The following PPP2R5A variants were observed in gnomAD, a reference collection of about 807,000 sequenced individuals.
PPP2R5A encodes the protein serine/threonine-protein phosphatase 2A 56 kDa regulatory subunit alpha isoform.
Under a neutral mutation model 64.2 loss-of-function variants are expected in PPP2R5A, and 25 were observed. That is an observed-to-expected ratio of 0.39 (90% CI 0.28 to 0.54). The LOEUF (loss-of-function observed/expected upper bound fraction) is 0.54, where lower values mean the gene tolerates loss of function less well. PPP2R5A is among the 20% of genes least tolerant of loss of function. The pLI, the probability that PPP2R5A is intolerant of heterozygous loss-of-function variation, is 0.67. For synonymous variants in PPP2R5A, 198 were observed against 201.2 expected (o/e 0.98, Z 0.13); for missense variants, 425 against 576.3 (o/e 0.74, Z 2.69).
At chr1:212,349,357 C>G (rs912975143) in intron 8 of PPP2R5A, 115 bp downstream of exon 8, 1 of 695,418 alleles carries the variant, frequency 1.4e-6, no homozygotes, top group Non-Finnish European at 2.1e-6. Flanking sequence ...AAGCTAAAAT[C>G]ATTTAGAAGA....
intron 1 of PPP2R5A, 106 bp downstream of exon 1, chr1:212,286,397 C>G: frequency 2.4e-6 from 3 of 1,270,012 alleles, no homozygotes; most frequent in Non-Finnish European, 3.1e-6. Context: ...TCAGTTGGGA[C>G]TGGTAGTGTG....
At chr1:212,297,202 A>G (rs1161978610) in intron 1 of PPP2R5A, among the ~76,000 whole-genome samples, 3 of 134,066 alleles carry the variant, frequency 2.2e-5, no homozygotes. Context: ...GCTCACTGCA[A>G]CCTCTGCCCC....
chr1:212,289,992 G>C (rs1658571759), intron 1 of PPP2R5A, among the ~76,000 whole-genome samples: 1 of 152,186 alleles, frequency 6.6e-6, no homozygotes, highest in Admixed American at 6.5e-5. Flanking sequence ...AACCTAACCA[G>C]TAGAATTATA....
intron 1 of PPP2R5A, among the ~76,000 whole-genome samples, chr1:212,309,909 G>A (rs896374266): frequency 1.3e-5 from 2 of 152,122 alleles, no homozygotes; most frequent in East Asian, 1.9e-4. Flanking sequence ...GGTTGGACTC[G>A]GCTGTTTTAA....
At chr1:212,314,557 A>ATT (rs1212438178) in intron 1 of PPP2R5A, among the ~76,000 whole-genome samples, 3,946 of 127,798 alleles carry the variant, frequency 0.031, 279 homozygotes, top group African/African-American at 0.11. Context: ...CACCAAGCCT[A>ATT]TTTTTTTTTT....
intron 8 of PPP2R5A, among the ~76,000 whole-genome samples, chr1:212,353,884 CGT>C (rs1419743687): frequency 4.6e-5 from 7 of 152,080 alleles, no homozygotes; most frequent in Non-Finnish European, 8.8e-5. Flanking sequence ...AATGACATTT[CGT>C]TTAATAACAG....
intron 3 of PPP2R5A, among the ~76,000 whole-genome samples, chr1:212,336,188 C>T (rs993403187): frequency 6.6e-6 from 1 of 152,112 alleles, no homozygotes; most frequent in African/African-American, 2.4e-5. Flanking sequence ...GATCTCGGCT[C>T]ACTGCAACCT....
intron 1 of PPP2R5A, among the ~76,000 whole-genome samples, chr1:212,319,915 G>GC (rs1659234657): frequency 6.8e-6 from 1 of 148,094 alleles, no homozygotes; most frequent in Non-Finnish European, 1.5e-5. Flanking sequence ...GAGCCACTGT[G>GC]CCCAGCCTAT....
intron 12 of PPP2R5A, among the ~76,000 whole-genome samples, chr1:212,359,431 G>A (rs1256000274): frequency 5.3e-5 from 8 of 152,248 alleles, no homozygotes; most frequent in Admixed American, 3.9e-4. Context: ...ATGTTAGCAC[G>A]TATCAGCCTT....
In PPP2R5A at chr1:212,323,081, C is replaced by T. The variant is rs577996516; in HGVS notation, c.182-6054C>T. Among the ~76,000 whole-genome samples, 234 of 152,326 alleles carry T rather than the reference C, an allele frequency of 1.5e-3. 2 individuals are homozygous for T. The highest frequency in any genetic ancestry group is 5.1e-3 in the African/African-American group (212 of 41,572). On this transcript the variant is annotated intron_variant, in intron 1 of 12. Coordinates refer to ENST00000261461, the MANE Select transcript of PPP2R5A (RefSeq NM_006243.4). ...GATTACAGGCGTGAGCCACTGTGCCCAGCCCTCATTTCATTTTTAATTTTT... is the reference window on the plus strand; with the variant it reads ...GATTACAGGCGTGAGCCACTGTGCCTAGCCCTCATTTCATTTTTAATTTTT...
chr1:212,357,496 T>C, intron 11 of PPP2R5A: 1 of 425,664 alleles, frequency 2.3e-6, no homozygotes, highest in Non-Finnish European at 3.8e-6. Flanking sequence ...TTAATGTCAA[T>C]TTATTTTTAA....
At chr1:212,328,814 G>GGT (rs1659450801) in intron 1 of PPP2R5A, among the ~76,000 whole-genome samples, 4 of 152,106 alleles carry the variant, frequency 2.6e-5, no homozygotes, top group Non-Finnish European at 4.4e-5. Context: ...TGATTAGCTG[G>GGT]ATATGGTGGC....
At position 212,345,857 on chromosome 1, in the gene PPP2R5A, G is replaced by C. The variant is rs942433088; in HGVS notation, c.628G>C (p.Val210Leu). Residue 210 changes from valine to leucine, a missense_variant, in exon 5 of 13, where the codon GTT becomes CTT. Physicochemically the swap from Val to Leu is conservative, Grantham distance 32. Transcript: ENST00000261461. ...DPRERDFLKT[V>L]LHRIYGKFLG... ...CAGAGAACGTGACTTCCTGAAGACT[G>C]TTCTGCACCGAATTTATGGGAAATT... 6.2e-7 allele frequency: 1 copy of C among 1,612,584 alleles called. No individual in the cohort carries two copies. The highest frequency in any genetic ancestry group is 2.2e-5 in the East Asian group (1 of 44,822).
At chr1:212,348,774 C>T (rs1312699167) in intron 7 of PPP2R5A, among the ~76,000 whole-genome samples, 1 of 152,142 alleles carries the variant, frequency 6.6e-6, no homozygotes, top group Non-Finnish European at 1.5e-5. Flanking sequence ...ATAAATCCCA[C>T]ATATCTACAG....
chr1:212,354,393 A>C (rs1254735865), intron 8 of PPP2R5A, among the ~76,000 whole-genome samples: 1 of 151,614 alleles, frequency 6.6e-6, no homozygotes, highest in Non-Finnish European at 1.5e-5. Context: ...AAAAATAAAA[A>C]TGGAACTGGG....
chr1:212,292,311 G>A (rs187408416), intron 1 of PPP2R5A, among the ~76,000 whole-genome samples: 11 of 152,256 alleles, frequency 7.2e-5, no homozygotes, highest in African/African-American at 2.6e-4. Flanking sequence ...CTTTTCAGTT[G>A]TTATGTTGTG....
rs571840588 is a variant in PPP2R5A, at chr1:212,321,443, C to T, written c.182-7692C>T. Among the ~76,000 whole-genome samples, 1,177 of 150,704 alleles carry T rather than the reference C, an allele frequency of 7.8e-3. 33 individuals carry two copies. The highest frequency in any genetic ancestry group is 0.057 in the Admixed American group (860 of 15,190). On this transcript the variant is annotated intron_variant, in intron 1 of 12. Coordinates refer to ENST00000261461, the MANE Select transcript of PPP2R5A (RefSeq NM_006243.4). ...CTCACTTCCCAGACGGAGTGGCTGC[C>T]GGGCGGAGGGGCTCCTCACTTCTCA...
At chr1:212,355,528 CTG>C (rs1290572477) in intron 8 of PPP2R5A, among the ~76,000 whole-genome samples, 1 of 152,084 alleles carries the variant, frequency 6.6e-6, no homozygotes, top group Non-Finnish European at 1.5e-5. Context: ...GTTTTACAGC[CTG>C]TCTCTAATAA....
intron 1 of PPP2R5A, among the ~76,000 whole-genome samples, chr1:212,323,483 A>T (rs1659350150): frequency 6.6e-6 from 1 of 152,224 alleles, no homozygotes; most frequent in Non-Finnish European, 1.5e-5. Context: ...TCTATATCAT[A>T]ATACCTAAAA....
Sources: gnomAD v4.1 joint callset for allele counts (sites outside exome capture counted in the v4.1 genomes callset) on GRCh38, gnomAD v4.1.1 for gene constraint, MANE v1.5 for transcripts, NCBI Gene and HGNC (gene_info 2026-07-23, HGNC 2026-07-21) for gene names.